The following COL6A6 variants were observed in gnomAD, a reference collection of about 807,000 sequenced individuals.
The protein encoded by COL6A6 is collagen type VI alpha 6 chain, also known as collagen alpha-6(VI) chain.
Under a neutral mutation model 208.6 loss-of-function variants are expected in COL6A6, and 183 were observed. The ratio of observed to expected loss-of-function variants is 0.88; its 90% CI spans 0.78 to 0.99. The LOEUF is 0.99. Among genes scored for constraint, COL6A6 ranks in the 50% least tolerant of loss-of-function variants. The pLI is 0.00. For missense variants in COL6A6, 2,816 were observed against 2,815.2 expected (o/e 1.00, Z -0.01); for synonymous variants, 973 against 1,011.8 (o/e 0.96, Z 0.73).
At chr3:130,614,600 A>G (rs1020245890) in intron 23 of COL6A6, among the ~76,000 whole-genome samples, 27 of 152,056 alleles carry the variant, frequency 1.8e-4, no homozygotes, top group Admixed American at 1.8e-3. Flanking sequence ...GCTCTTCTTT[A>G]TACATCTGAT....
At position 130,661,847 on chromosome 3, in the gene COL6A6, G is replaced by A. The variant is rs780967036; in HGVS notation, c.6041G>A (p.Ser2014Asn). Residue 2014 changes from serine to asparagine, a missense_variant, in exon 35 of 37, where the codon AGC (serine) becomes AAC (asparagine). Coordinates refer to ENST00000358511, the MANE Select transcript of COL6A6 (RefSeq NM_001102608.3). ...SVTGDRVALL[S>N]HAPPDFLPNT... ...ACTGGAGACCGGGTGGCCCTATTGA[G>A]CCATGCTCCCCCCGACTTCCTACCC... 4.3e-6 allele frequency: 7 copies of A among 1,613,904 alleles called. No individual in the cohort carries two copies. Among genetic ancestry groups the A allele is most frequent in the Non-Finnish European group, 5.9e-6 (7 of 1,179,868 alleles).
chr3:130,600,970 G>C (rs903595373), intron 20 of COL6A6, among the ~76,000 whole-genome samples: 4 of 152,086 alleles, frequency 2.6e-5, no homozygotes, highest in African/African-American at 9.7e-5. Flanking sequence ...TTGCTTGTTG[G>C]GGGTGCAGTT....
chr3:130,604,722 C>T (rs1389382513), intron 20 of COL6A6, among the ~76,000 whole-genome samples: 2 of 152,184 alleles, frequency 1.3e-5, no homozygotes, highest in African/African-American at 4.8e-5. Flanking sequence ...TTATTTTCAG[C>T]AAGCCCTTTC....
chr3:130,615,186 A>T (rs1468623983), intron 23 of COL6A6, among the ~76,000 whole-genome samples: 1 of 152,018 alleles, frequency 6.6e-6, no homozygotes, highest in Non-Finnish European at 1.5e-5. Flanking sequence ...CCTTAATTTC[A>T]TTATTTACCC....
intron 20 of COL6A6, among the ~76,000 whole-genome samples, chr3:130,603,306 C>T (rs1576310894): frequency 1.3e-5 from 2 of 152,172 alleles, no homozygotes; most frequent in East Asian, 3.8e-4. Flanking sequence ...ACACCCCTGA[C>T]CTGTAACAAT....
chr3:130,625,979 C>G (rs1222111381), intron 24 of COL6A6, among the ~76,000 whole-genome samples: 2 of 152,106 alleles, frequency 1.3e-5, no homozygotes, highest in African/African-American at 4.8e-5. Flanking sequence ...CCTCTGTAAA[C>G]CTGTGTTGAT....
chr3:130,564,051 A>G (rs2062959350), intron 3 of COL6A6, among the ~76,000 whole-genome samples: 1 of 152,244 alleles, frequency 6.6e-6, no homozygotes, highest in Admixed American at 6.5e-5. Context: ...ACATAATATA[A>G]TCATAGAATG....
intron 36 of COL6A6, among the ~76,000 whole-genome samples, chr3:130,669,661 G>T (rs1382416943): frequency 6.6e-6 from 1 of 151,904 alleles, no homozygotes; most frequent in Non-Finnish European, 1.5e-5. Flanking sequence ...TTATATATTT[G>T]AAAAAACAGA....
At chr3:130,593,678 A>G (rs2063778321) in intron 17 of COL6A6, among the ~76,000 whole-genome samples, 1 of 152,216 alleles carries the variant, frequency 6.6e-6, no homozygotes, top group Admixed American at 6.5e-5. Context: ...ACTCAGAGGA[A>G]GGGAATCTTG....
chr3:130,615,967 C>G (rs1165415837), intron 23 of COL6A6, among the ~76,000 whole-genome samples: 2 of 152,188 alleles, frequency 1.3e-5, no homozygotes, highest in Admixed American at 6.5e-5. Context: ...TACCACTTCT[C>G]TCTAGTCTAC....
At chr3:130,650,179 C>T (rs2065591314) in intron 33 of COL6A6, among the ~76,000 whole-genome samples, 1 of 152,142 alleles carries the variant, frequency 6.6e-6, no homozygotes, top group Non-Finnish European at 1.5e-5. Context: ...AATAGTGGCT[C>T]AGTGGCAGGG....
At chr3:130,529,234 A>G (rs1371724875) in intron 1 of COL6A6, among the ~76,000 whole-genome samples, 2 of 151,600 alleles carry the variant, frequency 1.3e-5, no homozygotes, top group African/African-American at 4.9e-5. Flanking sequence ...AATAGCTTTC[A>G]ATGAAGGGGG....
chr3:130,543,442 C>A (rs1160354716), intron 1 of COL6A6, among the ~76,000 whole-genome samples: 1 of 152,078 alleles, frequency 6.6e-6, no homozygotes, highest in Non-Finnish European at 1.5e-5. Context: ...CTTTGTCTAT[C>A]TTTTGTGGTT....
intron 12 of COL6A6, among the ~76,000 whole-genome samples, chr3:130,590,295 A>G (rs1280773813): frequency 9.3e-5 from 1 of 10,746 alleles, no homozygotes; most frequent in East Asian, 2.5e-3. Context: ...ATATATATAT[A>G]TATATTTTTT....
chr3:130,642,107 G>GA (rs1178802499), intron 29 of COL6A6, among the ~76,000 whole-genome samples: 2 of 152,082 alleles, frequency 1.3e-5, no homozygotes, highest in Non-Finnish European at 2.9e-5. Context: ...GAGGTCAGGG[G>GA]GGGCTCTGTT....
chr3:130,602,161 A>G (rs1182566920), intron 20 of COL6A6, among the ~76,000 whole-genome samples: 1 of 152,238 alleles, frequency 6.6e-6, no homozygotes, highest in Non-Finnish European at 1.5e-5. Context: ...ACACAGGGAA[A>G]CTATGACTTA....
Position 130,649,418 on chromosome 3 carries a change from G to A in COL6A6, c.5589G>A (p.Thr1863=), listed in dbSNP as rs776680243. ...VFKRTLPGAH[T]RKIATFFSSG... ...AGCGGACGCTTCCGGGGGCACACAC[G>A]AGAAAAATCGCCACATTTTTCAGCA... is the stretch of plus-strand genomic sequence containing the variant. The change falls in exon 33 of 37, where the codon ACG becomes ACA. Residue 1863 remains threonine (T), a synonymous_variant. Coordinates refer to ENST00000358511, the MANE Select transcript of COL6A6 (RefSeq NM_001102608.3). 6 of 1,612,922 alleles carry A rather than the reference G, an allele frequency of 3.7e-6. No individual in the cohort carries two copies. Among genetic ancestry groups the A allele is most frequent in the Non-Finnish European group, 8.5e-7 (1 of 1,179,562 alleles).
chr3:130,659,505 G>A (rs1383143476), intron 34 of COL6A6, among the ~76,000 whole-genome samples: 2 of 152,142 alleles, frequency 1.3e-5, no homozygotes, highest in African/African-American at 4.8e-5. Context: ...TTAAACTATT[G>A]TGCTTATGTT....
intron 18 of COL6A6, 30 bp downstream of exon 18, chr3:130,594,373 G>C: frequency 6.3e-7 from 1 of 1,579,852 alleles, no homozygotes; most frequent in Non-Finnish European, 8.7e-7. Context: ...ACTGGAGTTA[G>C]GGCTTGATTC....
Sources: gnomAD v4.1 joint callset for allele counts (sites outside exome capture counted in the v4.1 genomes callset) on GRCh38, gnomAD v4.1.1 for gene constraint, MANE v1.5 for transcripts, NCBI Gene and HGNC (gene_info 2026-07-23, HGNC 2026-07-21) for gene names.